Variants in TMPRSS15 observed in about 807,000 individuals in gnomAD.
TMPRSS15 encodes transmembrane serine protease 15, also known as enteropeptidase.
In TMPRSS15, 128 loss-of-function variants were observed where a neutral mutation model predicts 125.3. The ratio of observed to expected loss-of-function variants is 1.02; its 90% confidence interval spans 0.89 to 1.18. TMPRSS15 has a LOEUF of 1.18. Among genes scored for constraint, TMPRSS15 ranks in the 50% most tolerant of loss-of-function variants. TMPRSS15 has a pLI of 0.00. For missense variants in TMPRSS15, 1,283 were observed against 1,212.7 expected (o/e 1.06, Z -0.86); for synonymous variants, 446 against 423.2 (o/e 1.05, Z -0.66).
intron 6 of TMPRSS15, among the ~76,000 whole-genome samples, chr21:18,369,974 G>GAAA (rs67549160): frequency 9.1e-4 from 129 of 141,742 alleles, no homozygotes; most frequent in East Asian, 1.4e-3. Context: ...TTACTTAAAC[G>GAAA]AAAAAAAAAA....
intron 16 of TMPRSS15, among the ~76,000 whole-genome samples, chr21:18,319,833 C>T (rs722682): frequency 0.5 from 76,305 of 152,074 alleles, 19,695 homozygotes; most frequent in East Asian, 0.64. Context: ...CCTTTCCTCT[C>T]AGTATCTTAC....
chr21:18,396,800 G>GTCTATCTATCTATCTA (rs1324901762), intron 3 of TMPRSS15, among the ~76,000 whole-genome samples: 1 of 67,784 alleles, frequency 1.5e-5, no homozygotes, highest in Non-Finnish European at 2.8e-5. Context: ...AAATCTGTCT[G>GTCTATCTATCTATCTA]TCTGTCTGTC....
chr21:18,410,333 A>G (rs2076162914), intron 1 of TMPRSS15, among the ~76,000 whole-genome samples: 2 of 151,976 alleles, frequency 1.3e-5, no homozygotes, highest in South Asian at 2.1e-4. Context: ...CCACTGTGCT[A>G]CATACTATTC....
rs11909781 is a variant in TMPRSS15 at position 18,316,042 on chromosome 21, A to T, written c.1922-786T>A. Among the ~76,000 whole-genome samples, 1,338 of 150,118 alleles carry T rather than the reference A, an allele frequency of 8.9e-3. 18 individuals are homozygous for T. Among genetic ancestry groups the T allele is most frequent in the African/African-American group, 0.03 (1,224 of 41,008 alleles). ...ATAATAAAATATATATATATATATA[A>T]AATAATAAACATGAGTCCTTTGCCA... On this transcript the variant is annotated intron_variant, in intron 16 of 24. Coordinates refer to ENST00000284885, the MANE Select transcript of TMPRSS15 (RefSeq NM_002772.3).
chr21:18,412,527 T>C (rs1471054648), intron 1 of TMPRSS15, among the ~76,000 whole-genome samples: 3 of 152,254 alleles, frequency 2.0e-5, no homozygotes, highest in Non-Finnish European at 4.4e-5. Flanking sequence ...TGTTTCTGAC[T>C]ATGTCTTTTT....
At chr21:18,467,191 T>C (rs1484046432) in intron 1 of TMPRSS15, among the ~76,000 whole-genome samples, 1 of 151,998 alleles carries the variant, frequency 6.6e-6, no homozygotes, top group Non-Finnish European at 1.5e-5. Flanking sequence ...TTCTCACTCA[T>C]AAGTGGGAGC....
intron 18 of TMPRSS15, among the ~76,000 whole-genome samples, chr21:18,307,295 T>A (rs1292980091): frequency 6.6e-6 from 1 of 152,184 alleles, no homozygotes; most frequent in East Asian, 1.9e-4. Flanking sequence ...GGCAGTGGGA[T>A]GTACTACTTG....
intron 1 of TMPRSS15, among the ~76,000 whole-genome samples, chr21:18,444,762 T>C (rs2076251159): frequency 6.6e-6 from 1 of 152,204 alleles, no homozygotes; most frequent in African/African-American, 2.4e-5. Context: ...TATTATTAAC[T>C]ATAATCACCC....
At chr21:18,291,639 C>T (rs1413215636) in intron 21 of TMPRSS15, among the ~76,000 whole-genome samples, 1 of 152,004 alleles carries the variant, frequency 6.6e-6, no homozygotes, top group Non-Finnish European at 1.5e-5. Context: ...CAGATAAGAG[C>T]CAGTATTAAC....
intron 1 of TMPRSS15, among the ~76,000 whole-genome samples, chr21:18,440,948 G>A (rs762177315): frequency 1.1e-4 from 17 of 152,296 alleles, no homozygotes; most frequent in Non-Finnish European, 1.6e-4. Context: ...TTGTTTAGAT[G>A]AGCTATTTGA....
At chr21:18,305,629 C>G (rs1432477190) in intron 18 of TMPRSS15, among the ~76,000 whole-genome samples, 8 of 152,128 alleles carry the variant, frequency 5.3e-5, no homozygotes, top group Admixed American at 5.2e-4. Flanking sequence ...TTATGTATAA[C>G]CAGGCTGTAC....
intron 1 of TMPRSS15, among the ~76,000 whole-genome samples, chr21:18,422,129 G>T (rs1476182755): frequency 6.6e-6 from 1 of 151,818 alleles, no homozygotes; most frequent in East Asian, 1.9e-4. Context: ...GATTACAGGT[G>T]TGCACCATCA....
intron 13 of TMPRSS15, among the ~76,000 whole-genome samples, chr21:18,340,211 AG>A (rs1363120407): frequency 6.6e-6 from 1 of 152,210 alleles, no homozygotes; most frequent in Non-Finnish European, 1.5e-5. Flanking sequence ...ATCAGCTGCC[AG>A]CACAGCTAGA....
chr21:18,377,960 G>A lies in TMPRSS15; in HGVS notation c.532+1323C>T, dbSNP rs78726097. Reference sequence around the variant, plus strand: ...GAGAAAACCTTCTTTTAAGTCCAGTGCTTTCTGGCTTTATTTGAAACACTG... The same window carrying A: ...GAGAAAACCTTCTTTTAAGTCCAGTACTTTCTGGCTTTATTTGAAACACTG... On this transcript the variant is annotated intron_variant, in intron 5 of 24. Transcript: ENST00000284885. 1.4e-3 allele frequency among the ~76,000 whole-genome samples: 210 copies of A among 152,168 alleles called. 1 individual carries two copies. The highest frequency in any genetic ancestry group is 4.3e-3 in the African/African-American group (179 of 41,546).
At chr21:18,392,489 G>A (rs554955303) in intron 3 of TMPRSS15, among the ~76,000 whole-genome samples, 6 of 152,102 alleles carry the variant, frequency 3.9e-5, no homozygotes, top group Non-Finnish European at 5.9e-5. Context: ...GGACTTCATC[G>A]TCCATATCAC....
intron 1 of TMPRSS15, among the ~76,000 whole-genome samples, chr21:18,437,161 G>T (rs113478445): frequency 5.4e-5 from 8 of 147,896 alleles, no homozygotes; most frequent in African/African-American, 2.0e-4. Context: ...AGCCCTCAGA[G>T]ATAACGCCGC....
At chr21:18,383,872 G>A in intron 3 of TMPRSS15, 94 bp from the exon 4 acceptor site, 1 of 1,417,928 alleles carries the variant, frequency 7.1e-7, no homozygotes, top group Non-Finnish European at 9.7e-7. Context: ...ATTCTCTATA[G>A]TTATCATCTT....
intron 1 of TMPRSS15, among the ~76,000 whole-genome samples, chr21:18,444,104 A>C (rs2123239725): frequency 6.6e-6 from 1 of 152,250 alleles, no homozygotes; most frequent in South Asian, 2.1e-4. Context: ...TAACCAGGCA[A>C]GTCACACCTG....
chr21:18,405,836 AT>A (rs1357400874), upstream of TMPRSS15, among the ~76,000 whole-genome samples: 1 of 152,196 alleles, frequency 6.6e-6, no homozygotes, highest in East Asian at 1.9e-4. Flanking sequence ...TATTGAAGGA[AT>A]TTTTAGAAAA....
Sources: allele counts gnomAD v4.1 joint callset (sites outside exome capture counted in the v4.1 genomes callset), GRCh38; gene constraint gnomAD v4.1.1; transcripts MANE v1.5; gene names NCBI Gene and HGNC (gene_info 2026-07-23, HGNC 2026-07-21).